RABGEF1: variants seen among roughly 807,000 people sequenced by gnomAD.
RABGEF1 encodes RAB guanine nucleotide exchange factor 1.
In RABGEF1, 26 loss-of-function variants were observed where a neutral mutation model predicts 57.3. The observed-to-expected ratio is 0.45, with a 90% CI of 0.33 to 0.63. The LOEUF is 0.63. Ranked by LOEUF, RABGEF1 falls within the 20% of genes least tolerant of loss-of-function variation. The pLI is 0.02. For missense variants in RABGEF1, 464 were observed against 607.6 expected (o/e 0.76, Z 2.48); for synonymous variants, 185 against 210.7 (o/e 0.88, Z 1.06).
intron 1 of RABGEF1, among the ~76,000 whole-genome samples, chr7:66,771,172 T>G (rs1807025967): frequency 6.6e-6 from 1 of 152,176 alleles, no homozygotes; most frequent in Non-Finnish European, 1.5e-5. Context: ...AGAGTCTTGC[T>G]CTGTCACCCA....
chr7:66,728,751 GACCCTCACCGCCATCCTCACCTCC>G, intron 2 of RABGEF1, among the ~76,000 whole-genome samples: 1 of 3,818 alleles, frequency 2.6e-4, no homozygotes, highest in Non-Finnish European at 5.5e-4. Context: ...TCCTCACCTC[GACCCTCACCGCCATCCTCACCTCC>G]ACCCTCACCT....
Position 66,805,222 on chromosome 7 carries a change from C to T in RABGEF1, c.903C>T (p.Ala301=). The change falls in exon 8 of 9, where the codon GCC becomes GCT. Residue 301 remains alanine (A), a synonymous_variant. Coordinates refer to ENST00000284957, the MANE Select transcript of RABGEF1 (RefSeq NM_014504.3). ...AGTGCAGCAAGCACATCTTCAATGC[C>T]ATCAAGATCACCAAGAATGAGCCGG... ...ITKCSKHIFN[A]IKITKNEPAS... is the part of the protein sequence containing the mutation. 3 of 1,614,198 alleles carry T rather than the reference C, an allele frequency of 1.9e-6. No homozygotes were observed. Among genetic ancestry groups the T allele is most frequent in the South Asian group, 1.1e-5 (1 of 91,084 alleles).
intron 1 of RABGEF1, among the ~76,000 whole-genome samples, chr7:66,767,849 T>C (rs1052609534): frequency 9.9e-5 from 15 of 152,192 alleles, no homozygotes; most frequent in African/African-American, 3.6e-4. Flanking sequence ...CTACCCAGTT[T>C]ATGGTATTTT....
At chr7:66,718,197 AT>A (rs1028111266) in intron 2 of RABGEF1, among the ~76,000 whole-genome samples, 31 of 152,038 alleles carry the variant, frequency 2.0e-4, no homozygotes, top group African/African-American at 4.6e-4. Context: ...ATACAAAAAA[AT>A]ATTAGGCGTG....
the RABGEF1 span, among the ~76,000 whole-genome samples, chr7:66,664,446 AG>A: frequency 1.1e-4 from 17 of 149,952 alleles, no homozygotes; most frequent in African/African-American, 3.9e-4. Context: ...TTTTTTAATT[AG>A]TCAAGGGTAG....
chr7:66,684,135 G>A (rs1297856506), intron 1 of RABGEF1, among the ~76,000 whole-genome samples: 1 of 152,238 alleles, frequency 6.6e-6, no homozygotes, highest in Non-Finnish European at 1.5e-5. Context: ...TTTTAGCTGG[G>A]TCCTTATGTG....
chr7:66,805,466 C>T, intron 8 of RABGEF1, 70 bp downstream of exon 8: 1 of 1,585,318 alleles, frequency 6.3e-7, no homozygotes, highest in Non-Finnish European at 8.6e-7. Context: ...TGTGACAGGT[C>T]ACTTAGGCCC....
the RABGEF1 span, among the ~76,000 whole-genome samples, chr7:66,670,867 T>C: frequency 6.7e-6 from 1 of 150,130 alleles, no homozygotes; most frequent in Non-Finnish European, 1.5e-5. Flanking sequence ...CAAAATTTTA[T>C]TTTTATTTAT....
In RABGEF1 at chr7:66,705,443, A is replaced by AAGACAGAGAGAGAGAG. The variant is rs540794271; in HGVS notation, c.-872-6721_-872-6720insCAGAGAGAGAGAGAGA. Among the ~76,000 whole-genome samples the AAGACAGAGAGAGAGAG allele has an allele frequency of 2.1e-3, 141 of 66,382 alleles. 10 individuals carry two copies. Among genetic ancestry groups the AAGACAGAGAGAGAGAG allele is most frequent in the African/African-American group, 7.4e-3 (97 of 13,160 alleles). 43.5% of individuals were successfully genotyped at this position (66,382 alleles called of 152,430 possible). On this transcript the variant is annotated intron_variant and NMD_transcript_variant, in intron 1 of 9. Coordinates refer to the RABGEF1 transcript ENST00000607882. Reference sequence around the variant, plus strand: ...CAGAGCGAAACTCCATCTCGAAAGAAAGAGAGAGAGAGAGAGAGAGAGAGA... The same window carrying AAGACAGAGAGAGAGAG: ...CAGAGCGAAACTCCATCTCGAAAGAAAGACAGAGAGAGAGAGAGAGAGAGAGAGAGAGAGAGAGAGA...
rs1794027097 is a variant in RABGEF1 at position 66,705,998 on chromosome 7, G to A, written c.-872-6169G>A. Among the ~76,000 whole-genome samples, 5 of 141,460 alleles carry A rather than the reference G, an allele frequency of 3.5e-5. No homozygotes were observed. The South Asian group carries it at 9.2e-4, about 26-fold the overall frequency. 92.8% of individuals were successfully genotyped at this position (141,460 alleles called of 152,430 possible). A position where few individuals can be genotyped will look rare whatever the true frequency, so the allele number is the denominator to read the frequency against. The stretch of plus-strand genomic sequence containing the variant: ...GCTCACTGCAAGCTCCGCTTCCCGG[G>A]TTCACGCCATTCTCCTGCCTCAGCC... On this transcript the variant is annotated intron_variant and NMD_transcript_variant, in intron 1 of 9. Coordinates refer to the RABGEF1 transcript ENST00000607882.
At chr7:66,684,870 C>T (rs1408947347) in intron 1 of RABGEF1, among the ~76,000 whole-genome samples, 3 of 152,128 alleles carry the variant, frequency 2.0e-5, no homozygotes, top group South Asian at 4.1e-4. Context: ...CTCCTGACCT[C>T]GTGGTCTGCC....
chr7:66,674,918 A>G, the RABGEF1 span, among the ~76,000 whole-genome samples: 3 of 149,510 alleles, frequency 2.0e-5, no homozygotes, highest in Admixed American at 6.8e-5. Flanking sequence ...TAATATGTGT[A>G]TATTTGTTGA....
the RABGEF1 span, among the ~76,000 whole-genome samples, chr7:66,658,533 CAAAAAAAAA>C: frequency 1.3e-5 from 1 of 75,564 alleles, no homozygotes; most frequent in African/African-American, 5.4e-5. Flanking sequence ...ACTTCGTCTC[CAAAAAAAAA>C]AAAAAAAAAG....
Position 66,811,155 on chromosome 7 carries a change from CTGTT to C in RABGEF1, c.*1876_*1879del, listed in dbSNP as rs1424034057. On this transcript the variant is annotated 3_prime_UTR_variant, in exon 9 of 9. Coordinates refer to ENST00000284957, the MANE Select transcript of RABGEF1 (RefSeq NM_014504.3). Reference sequence around the variant, plus strand: ...ACAGTTCGTTTAGTTACTGTACACTCTGTTTGTTCAATAAACTGCATATCAACTT... The same window carrying C: ...ACAGTTCGTTTAGTTACTGTACACTCTGTTCAATAAACTGCATATCAACTT... The C allele has an allele frequency of 4.6e-5, 7 of 152,124 alleles. No individual in the cohort carries two copies. Among genetic ancestry groups the C allele is most frequent in the South Asian group, 2.1e-4 (1 of 4,838 alleles). The allele number at this position is 152,124 out of a possible 1,614,324, so 9.4% of individuals were successfully genotyped here. A position where few individuals can be genotyped will look rare whatever the true frequency, so the allele number is the denominator to read the frequency against.
intron 1 of RABGEF1, among the ~76,000 whole-genome samples, chr7:66,768,202 T>A (rs1373813557): frequency 6.6e-6 from 1 of 152,228 alleles, no homozygotes; most frequent in African/African-American, 2.4e-5. Context: ...ACTGGACAGT[T>A]AACAAATTGT....
the RABGEF1 span, among the ~76,000 whole-genome samples, chr7:66,672,461 C>T: frequency 1.3e-5 from 2 of 152,088 alleles, no homozygotes; most frequent in Non-Finnish European, 2.9e-5. Flanking sequence ...CAAAACAAAA[C>T]CTTTCCCAAG....
chr7:66,664,763 C>G, the RABGEF1 span, among the ~76,000 whole-genome samples: 1 of 152,234 alleles, frequency 6.6e-6, no homozygotes, highest in African/African-American at 2.4e-5. Context: ...GCGCCGGCGG[C>G]TGCCGCTTAA....
At chr7:66,658,584 TAAG>T in the RABGEF1 span, among the ~76,000 whole-genome samples, 4 of 149,394 alleles carry the variant, frequency 2.7e-5, no homozygotes, top group South Asian at 8.5e-4. Context: ...GTATAACTAG[TAAG>T]AAGATTAAAT....
chr7:66,703,340 G>T (rs948034994), intron 1 of RABGEF1, among the ~76,000 whole-genome samples: 1 of 152,090 alleles, frequency 6.6e-6, no homozygotes, highest in Non-Finnish European at 1.5e-5. Flanking sequence ...TGTACTTTTG[G>T]TATCATATCT....
Sources: allele counts gnomAD v4.1 joint callset (sites outside exome capture counted in the v4.1 genomes callset), GRCh38; gene constraint gnomAD v4.1.1; transcripts MANE v1.5; gene names NCBI Gene and HGNC (gene_info 2026-07-23, HGNC 2026-07-21).